NSD2: variants seen among roughly 807,000 people sequenced by gnomAD.
The protein encoded by NSD2 is nuclear receptor binding SET domain protein 2.
In NSD2, 12 loss-of-function variants were observed where a neutral mutation model predicts 139.0. That is an observed-to-expected ratio of 0.09 (90% CI 0.06 to 0.14). The LOEUF (loss-of-function observed/expected upper bound fraction) is 0.14, where lower values mean the gene tolerates loss of function less well. Ranked by LOEUF, NSD2 falls within the 10% of genes least tolerant of loss-of-function variation. NSD2 has a pLI of 1.00. For synonymous variants in NSD2, 669 were observed against 648.7 expected, an observed-to-expected ratio of 1.03 and a Z score of -0.48; for missense variants, 1,155 against 1,745.0, an observed-to-expected ratio of 0.66 and a Z score of 6.02.
chr4:1,908,455 G>C (rs1718231114), intron 3 of NSD2, among the ~76,000 whole-genome samples: 4 of 152,236 alleles, frequency 2.6e-5, no homozygotes. Flanking sequence ...TTTTGTGTGT[G>C]TGAAGGCATT....
intron 9 of NSD2, chr4:1,945,783 G>T (rs552394718): frequency 9.4e-7 from 1 of 1,064,338 alleles, no homozygotes; most frequent in South Asian, 4.5e-5. Flanking sequence ...CCTGAGACGT[G>T]CATGGAGGGC....
chr4:1,938,446 A>AAAT lies in NSD2; in HGVS notation c.1675-4_1675-3insATA. 7.9e-7 allele frequency: 1 copy of AAAT among 1,265,530 alleles called. No individual in the cohort carries two copies. The highest frequency in any genetic ancestry group is 1.0e-6 in the Non-Finnish European group (1 of 959,968). 78.4% of individuals were successfully genotyped at this position (1,265,530 alleles called of 1,614,324 possible). A position where few individuals can be genotyped will look rare whatever the true frequency, so the allele number is the denominator to read the frequency against. ...TTTTTTTTTTTTTTTTTTTTTAAAT[A>AAAT]ATAGAGAGACACAATCACTGACAAA... is the stretch of plus-strand genomic sequence containing the variant. On this transcript the variant is annotated splice_region_variant and splice_polypyrimidine_tract_variant and intron_variant, in intron 7 of 21. Transcript: ENST00000508803.
Position 1,980,897 on chromosome 4 carries a change from C to CCTAA in NSD2, c.*1991_*1994dup, listed in dbSNP as rs1727694404. 2 of 233,156 alleles carry CCTAA rather than the reference C, an allele frequency of 8.6e-6. No individual in the cohort carries two copies. The highest frequency in any genetic ancestry group is 1.2e-3 in the Middle Eastern group (1 of 808). The allele number at this position is 233,156 out of a possible 1,614,324, so 14.4% of individuals were successfully genotyped here. On this transcript the variant is annotated 3_prime_UTR_variant, in exon 22 of 22. Coordinates refer to ENST00000508803, the MANE Select transcript of NSD2 (RefSeq NM_001042424.3). The stretch of plus-strand genomic sequence containing the variant: ...CATAGATTTATGCTCCTTATGATGC[C>CCTAA]CTAACTTGGAAGGTTGTTCTAGGGA...
Position 1,946,409 on chromosome 4 carries a change from A to G in NSD2, c.1882-4663A>G, listed in dbSNP as rs996156568. On this transcript the variant is annotated intron_variant, in intron 9 of 21. Coordinates refer to ENST00000508803, the MANE Select transcript of NSD2 (RefSeq NM_001042424.3). ...CAGCCTCCCGAGTAGCTGGGACTACAAGCGGCTGCCACCACACCTGGCTAT... is the reference window on the plus strand; with the variant it reads ...CAGCCTCCCGAGTAGCTGGGACTACGAGCGGCTGCCACCACACCTGGCTAT... 7 of 434,006 alleles carry G rather than the reference A, an allele frequency of 1.6e-5. No homozygotes were observed. In the Admixed American group the frequency reaches 4.4e-4, roughly 27 times the overall value. 26.9% of individuals were successfully genotyped at this position (434,006 alleles called of 1,614,324 possible). A position where few individuals can be genotyped will look rare whatever the true frequency, so the allele number is the denominator to read the frequency against.
intron 9 of NSD2, chr4:1,940,665 T>C: frequency 9.4e-7 from 1 of 1,061,808 alleles, no homozygotes. Context: ...AGATGATAAC[T>C]GGGGGCCCTT....
At chr4:1,880,546 G>A (rs146240684) in intron 1 of NSD2, among the ~76,000 whole-genome samples, 1 of 152,060 alleles carries the variant, frequency 6.6e-6, no homozygotes, top group African/African-American at 2.4e-5. Context: ...GGCCTGTAAT[G>A]GGATGAAATG....
At chr4:1,909,815 ATTT>A (rs1718424116) in intron 3 of NSD2, among the ~76,000 whole-genome samples, 1 of 151,194 alleles carries the variant, frequency 6.6e-6, no homozygotes, top group South Asian at 2.1e-4. Context: ...TAATTTTTGT[ATTT>A]TTAGTAGAGC....
chr4:1,915,551 C>T (rs1040645485), intron 3 of NSD2, among the ~76,000 whole-genome samples: 1 of 152,146 alleles, frequency 6.6e-6, no homozygotes, highest in East Asian at 1.9e-4. Context: ...CTGCAGAGGG[C>T]CATTCATTTC....
At chr4:1,874,034 T>A (rs189832360) in intron 1 of NSD2, among the ~76,000 whole-genome samples, 31 of 152,338 alleles carry the variant, frequency 2.0e-4, no homozygotes, top group Non-Finnish European at 1.8e-4. Context: ...GGCTCTGCCC[T>A]GTCCTTTTTA....
chr4:1,939,705 C>G lies in NSD2; in HGVS notation c.1808C>G (p.Ala603Gly), dbSNP rs748360474. The change falls in exon 9 of 22, where the codon GCT becomes GGT. Residue 603 changes from alanine to glycine, a missense_variant. Coordinates refer to ENST00000508803, the MANE Select transcript of NSD2 (RefSeq NM_001042424.3). ...AAACCACTGAAGAAGCGAAATCGGGCTTCCACGGCAGCATCTTCAGCTCTT... is the reference window on the plus strand; with the variant it reads ...AAACCACTGAAGAAGCGAAATCGGGGTTCCACGGCAGCATCTTCAGCTCTT... ...ACKPLKKRNR[A>G]STAASSALGF... 3 of 1,614,246 alleles carry G rather than the reference C, an allele frequency of 1.9e-6. No individual in the cohort carries two copies. Among genetic ancestry groups the G allele is most frequent in the Non-Finnish European group, 2.5e-6 (3 of 1,180,052 alleles).
At chr4:1,877,934 C>T (rs889008133) in intron 1 of NSD2, among the ~76,000 whole-genome samples, 3 of 151,984 alleles carry the variant, frequency 2.0e-5, no homozygotes, top group South Asian at 2.1e-4. Context: ...GAAGCCAAGA[C>T]GAGAGGATCA....
At position 1,979,122 on chromosome 4, in the gene NSD2, A is replaced by G. The variant is rs1053202675; in HGVS notation, c.*213A>G. On this transcript the variant is annotated 3_prime_UTR_variant, in exon 22 of 22. Coordinates refer to ENST00000508803, the MANE Select transcript of NSD2 (RefSeq NM_001042424.3). ...ACTGATGACCGTCTGAGCCCAGCTC[A>G]GCGTTCCTGGACAAACAGCCTCACT... The G allele has an allele frequency of 5.0e-5, 25 of 499,780 alleles. No homozygotes were observed. Among genetic ancestry groups the G allele is most frequent in the Non-Finnish European group, 7.2e-5 (22 of 303,704 alleles). 31.0% of individuals were successfully genotyped at this position (499,780 alleles called of 1,614,324 possible). A position where few individuals can be genotyped will look rare whatever the true frequency, so the allele number is the denominator to read the frequency against.
intron 1 of NSD2, among the ~76,000 whole-genome samples, chr4:1,897,879 AGCCTCCT>A (rs947926264): frequency 2.6e-5 from 4 of 152,208 alleles, no homozygotes; most frequent in African/African-American, 9.6e-5. Context: ...CACCTGACTC[AGCCTCCT>A]AAAGTGCTGG....
rs749516576 is a variant in NSD2 at position 1,978,940 on chromosome 4, GC to G, written c.*32del. 1.3e-5 allele frequency: 19 copies of G among 1,458,102 alleles called. No homozygotes were observed. In the Admixed American group the frequency reaches 5.1e-4, roughly 39 times the overall value. The allele number at this position is 1,458,102 out of a possible 1,614,324, so 90.3% of individuals were successfully genotyped here. ...GGCGGCCGCTTGGCCGGATCCAGGG[GC>G]GGTGCAGGGCGGCCGGCCCTGCCTG... On this transcript the variant is annotated 3_prime_UTR_variant, in exon 22 of 22. Coordinates refer to ENST00000508803, the MANE Select transcript of NSD2 (RefSeq NM_001042424.3).
intron 18 of NSD2, among the ~76,000 whole-genome samples, chr4:1,969,846 GAGAT>G (rs933848777): frequency 6.6e-6 from 1 of 152,210 alleles, no homozygotes; most frequent in Non-Finnish European, 1.5e-5. Flanking sequence ...TGAGGATTCA[GAGAT>G]AGCCAGGCAG....
rs980998575 is a variant in NSD2, at chr4:1,956,713, A to G, written c.2881+525A>G. ...GGGGATGTGACCCTTCACTGGAGGA[A>G]CTGGAGGAACTGGTATTTATGATCG... is the stretch of plus-strand genomic sequence containing the variant. On this transcript the variant is annotated intron_variant, in intron 15 of 21. Coordinates refer to ENST00000508803, the MANE Select transcript of NSD2 (RefSeq NM_001042424.3). The surrounding 1 kb of genome is among the most constrained non-coding windows in gnomAD (Gnocchi z 5.3). 6.6e-6 allele frequency among the ~76,000 whole-genome samples: 1 copy of G among 152,134 alleles called. No homozygotes were observed. The highest frequency in any genetic ancestry group is 2.4e-5 in the African/African-American group (1 of 41,394).
chr4:1,923,029 G>A (rs1025783283), intron 5 of NSD2, among the ~76,000 whole-genome samples: 5 of 152,302 alleles, frequency 3.3e-5, no homozygotes, highest in African/African-American at 1.2e-4. Context: ...AAGCGCTGCA[G>A]GCCAGTTGCG....
intron 3 of NSD2, among the ~76,000 whole-genome samples, chr4:1,906,050 C>T (rs1039214696): frequency 1.3e-5 from 2 of 152,198 alleles, no homozygotes; most frequent in African/African-American, 4.8e-5. Flanking sequence ...AGTCTCCACA[C>T]AGCAAACCCT....
At chr4:1,971,276 C>T (rs753098556) in intron 18 of NSD2, among the ~76,000 whole-genome samples, 3 of 152,160 alleles carry the variant, frequency 2.0e-5, no homozygotes, top group Non-Finnish European at 4.4e-5. Flanking sequence ...AATTCAGGCC[C>T]TACCACTTTC....
Sources: gnomAD v4.1 joint callset for allele counts (sites outside exome capture counted in the v4.1 genomes callset) on GRCh38, gnomAD v4.1.1 for gene constraint, Gnocchi (gnomAD v3.1) non-coding constraint, MANE v1.5 for transcripts, NCBI Gene and HGNC (gene_info 2026-07-23, HGNC 2026-07-21) for gene names.